The following VTI1A variants were observed in gnomAD, a reference collection of about 807,000 sequenced individuals.
VTI1A encodes the protein vesicle transport through interaction with t-SNAREs homolog 1A.
VTI1A carries 22 observed loss-of-function variants against 34.9 expected under a neutral mutation model. The observed-to-expected ratio is 0.63, with a 90% CI of 0.45 to 0.90. The LOEUF (loss-of-function observed/expected upper bound fraction) is 0.90. VTI1A is among the 40% of genes least tolerant of loss of function. The probability of loss-of-function intolerance (pLI) is 0.00; values close to 1 mark genes in which losing one functional copy is unlikely to be tolerated. For missense variants in VTI1A, 268 were observed against 275.6 expected (o/e 0.97, Z 0.20); for synonymous variants, 87 against 97.3 (o/e 0.89, Z 0.62).
intron 3 of VTI1A, among the ~76,000 whole-genome samples, chr10:112,526,773 A>G (rs1289918724): frequency 6.6e-6 from 1 of 152,088 alleles, no homozygotes; most frequent in Non-Finnish European, 1.5e-5. Context: ...ATGCAGTTAT[A>G]TAGCTGTATT....
chr10:112,815,137 G>GCACACACA (rs553734279), intron 7 of VTI1A, among the ~76,000 whole-genome samples, 153 bp from the exon 8 acceptor site: 1,614 of 77,366 alleles, frequency 0.021, 20 homozygotes, highest in Middle Eastern at 0.031. Flanking sequence ...TCTTTCGCGC[G>GCACACACA]CGCACACACA....
intron 3 of VTI1A, among the ~76,000 whole-genome samples, chr10:112,509,006 G>T (rs1317454904): frequency 2.0e-5 from 3 of 152,218 alleles, no homozygotes; most frequent in East Asian, 3.8e-4. Context: ...TTTTTAGTCA[G>T]GAGAGGTTGG....
At chr10:112,496,879 G>A (rs529729932) in intron 3 of VTI1A, among the ~76,000 whole-genome samples, 1 of 152,118 alleles carries the variant, frequency 6.6e-6, no homozygotes, top group African/African-American at 2.4e-5. Context: ...CAATACAACT[G>A]CCAGTTGTAC....
intron 3 of VTI1A, among the ~76,000 whole-genome samples, chr10:112,505,315 C>T (rs984970382): frequency 6.6e-6 from 1 of 151,990 alleles, no homozygotes; most frequent in Admixed American, 6.6e-5. Context: ...GTTTGTATGA[C>T]TTGATTTCTA....
At chr10:112,666,500 A>G (rs900869490) in intron 5 of VTI1A, among the ~76,000 whole-genome samples, 2 of 152,118 alleles carry the variant, frequency 1.3e-5, no homozygotes, top group African/African-American at 2.4e-5. Context: ...CATGAGTGCA[A>G]ACACTTGATG....
intron 7 of VTI1A, among the ~76,000 whole-genome samples, chr10:112,810,096 TA>T (rs534101534): frequency 3.1e-3 from 453 of 144,882 alleles, no homozygotes; most frequent in Middle Eastern, 3.6e-3. Context: ...TGGTTTGATT[TA>T]AAAAAAAAAA....
At chr10:112,479,204 CT>C (rs1848383222) in intron 3 of VTI1A, among the ~76,000 whole-genome samples, 1 of 152,110 alleles carries the variant, frequency 6.6e-6, no homozygotes, top group Non-Finnish European at 1.5e-5. Context: ...ACTTTCTTTA[CT>C]AGGCCGGACA....
chr10:112,454,258 C>T (rs1355551727), intron 1 of VTI1A, among the ~76,000 whole-genome samples: 1 of 152,176 alleles, frequency 6.6e-6, no homozygotes, highest in Non-Finnish European at 1.5e-5. Flanking sequence ...TGAGGGTGTT[C>T]TGTGCTGATT....
Position 112,450,966 on chromosome 10 carries a change from C to A in VTI1A, c.94+3499C>A, listed in dbSNP as rs1589778762. The stretch of plus-strand genomic sequence containing the variant: ...TTCCTCTGGTGCAAAGATTCTGTTA[C>A]ACGAAATAGGCTTCCTGAAGAATTT... On this transcript the variant is annotated intron_variant, in intron 1 of 7. Coordinates refer to ENST00000393077, the MANE Select transcript of VTI1A (RefSeq NM_145206.4). Among the ~76,000 whole-genome samples the A allele has an allele frequency of 2.6e-5, 4 of 152,300 alleles. No individual in the cohort carries two copies. The South Asian group carries it at 8.3e-4, about 32-fold the overall frequency.
chr10:112,728,484 T>G (rs1850127456), intron 7 of VTI1A, among the ~76,000 whole-genome samples: 3 of 152,216 alleles, frequency 2.0e-5, no homozygotes, highest in Admixed American at 2.0e-4. Flanking sequence ...TAAAGGAGCT[T>G]GTCCACAGTA....
chr10:112,851,301 C>T, the VTI1A span, among the ~76,000 whole-genome samples: 154 of 152,306 alleles, frequency 1.0e-3, no homozygotes, highest in Non-Finnish European at 2.0e-3. Flanking sequence ...TGATTGAAAA[C>T]GTGTCTGTTG....
intron 7 of VTI1A, among the ~76,000 whole-genome samples, chr10:112,694,843 T>TGC (rs1848726793): frequency 6.6e-6 from 1 of 151,850 alleles, no homozygotes; most frequent in Non-Finnish European, 1.5e-5. Flanking sequence ...GTGGCAGGCA[T>TGC]CTGTAATCCC....
In VTI1A at chr10:112,722,713, C is replaced by A. The variant is rs577607392; in HGVS notation, c.560+53715C>A. On this transcript the variant is annotated intron_variant, in intron 7 of 7. Transcript: ENST00000393077. Reference sequence around the variant, plus strand: ...TGGGGAGCTTTTTAAAAATCAGATGCCCAGGCCCCACCGCAGACCAAATGA... The same window carrying A: ...TGGGGAGCTTTTTAAAAATCAGATGACCAGGCCCCACCGCAGACCAAATGA... Among the ~76,000 whole-genome samples, 4 of 152,018 alleles carry A rather than the reference C, an allele frequency of 2.6e-5. No individual in the cohort carries two copies. In the East Asian group the frequency reaches 5.8e-4, roughly 22 times the overall value.
intron 5 of VTI1A, among the ~76,000 whole-genome samples, chr10:112,608,266 A>G (rs1282833052): frequency 6.6e-6 from 1 of 152,238 alleles, no homozygotes; most frequent in African/African-American, 2.4e-5. Flanking sequence ...GTGCTGTTAC[A>G]TACATGCATG....
chr10:112,679,258 A>G (rs752433894), intron 7 of VTI1A, among the ~76,000 whole-genome samples: 2 of 152,196 alleles, frequency 1.3e-5, no homozygotes, highest in Non-Finnish European at 2.9e-5. Flanking sequence ...ATAAGAAACA[A>G]CTGTGTATAT....
chr10:112,760,499 T>C (rs1851426035), intron 7 of VTI1A, among the ~76,000 whole-genome samples: 1 of 152,228 alleles, frequency 6.6e-6, no homozygotes, highest in Non-Finnish European at 1.5e-5. Flanking sequence ...TGTTAAAACC[T>C]AGTGTTGAGA....
At chr10:112,592,907 A>G (rs934202148) in intron 5 of VTI1A, among the ~76,000 whole-genome samples, 1 of 152,220 alleles carries the variant, frequency 6.6e-6, no homozygotes, top group African/African-American at 2.4e-5. Flanking sequence ...GGAAAGTGAT[A>G]TGGTGCTGTG....
intron 5 of VTI1A, among the ~76,000 whole-genome samples, chr10:112,611,344 A>G (rs2038843): frequency 0.79 from 120,386 of 152,110 alleles, 48,591 homozygotes; most frequent in African/African-American, 0.93. Context: ...TCATCATGCT[A>G]TGTAGCAAGT....
intron 4 of VTI1A, among the ~76,000 whole-genome samples, chr10:112,532,915 A>C (rs1171465284): frequency 6.6e-5 from 10 of 152,140 alleles, no homozygotes; most frequent in Admixed American, 6.5e-4. Context: ...AATTTTTGAT[A>C]CTATGATCTA....
Sources: gnomAD v4.1 joint callset for allele counts (sites outside exome capture counted in the v4.1 genomes callset) on GRCh38, gnomAD v4.1.1 for gene constraint, MANE v1.5 for transcripts, NCBI Gene and HGNC (gene_info 2026-07-23, HGNC 2026-07-21) for gene names.